Variants in PHLPP2 observed in about 807,000 individuals in gnomAD.
PHLPP2 encodes the protein PH domain leucine-rich repeat-containing protein phosphatase 2.
Under a neutral mutation model 124.9 loss-of-function variants are expected in PHLPP2, and 66 were observed. The ratio of observed to expected loss-of-function variants is 0.53; its 90% CI spans 0.43 to 0.65. The LOEUF (loss-of-function observed/expected upper bound fraction) is 0.65, where lower values mean the gene tolerates loss of function less well. PHLPP2 is among the 30% of genes least tolerant of loss of function. The pLI is 0.00. For synonymous variants in PHLPP2, 681 were observed against 624.7 expected (o/e 1.09, Z -1.34); for missense variants, 1,685 against 1,600.4 (o/e 1.05, Z -0.90).
chr16:71,720,385 T>G (rs1270716444), intron 1 of PHLPP2, among the ~76,000 whole-genome samples: 1 of 152,134 alleles, frequency 6.6e-6, no homozygotes, highest in Admixed American at 6.5e-5. Context: ...CCCAAAGTGT[T>G]GGGATTATAG....
intron 17 of PHLPP2, among the ~76,000 whole-genome samples, chr16:71,654,226 AAACTAGTTC>A (rs1331522922): frequency 2.6e-5 from 4 of 151,200 alleles, no homozygotes; most frequent in Non-Finnish European, 5.9e-5. Context: ...AAAAAAAAAA[AAACTAGTTC>A]AAGCTCCAAG....
intron 2 of PHLPP2, among the ~76,000 whole-genome samples, chr16:71,703,731 G>C (rs1476200382): frequency 6.6e-6 from 1 of 152,116 alleles, no homozygotes; most frequent in African/African-American, 2.4e-5. Context: ...ATCCTCATCA[G>C]TATCATGGGA....
Position 71,649,137 on chromosome 16 carries a change from T to C in PHLPP2, c.3725A>G (p.Asn1242Ser), listed in dbSNP as rs148405472. The C allele has an allele frequency of 1.9e-5, 31 of 1,613,984 alleles. No homozygotes were observed. The highest frequency in any genetic ancestry group is 2.5e-5 in the Non-Finnish European group (30 of 1,179,980). The change falls in exon 19 of 19, where the codon AAT becomes AGT. Residue 1242 changes from asparagine (N) to serine (S), a missense_variant. Asn to Ser is a conservative substitution (Grantham distance 46). Transcript: ENST00000568954. The part of the protein sequence containing the change: ...TSCLYGKKLS[N>S]GSIVPLEDSL... ...GTCCTCTAGGGGCACAATAGAGCCA[T>C]TGGAGAGTTTCTTCCCATAGAGGCA... is the stretch of plus-strand genomic sequence containing the variant.
In PHLPP2 at chr16:71,678,848, A is replaced by G. The variant is rs778857304; in HGVS notation, c.1175T>C (p.Met392Thr). The change falls in exon 8 of 19, where the codon ATG becomes ACG. Residue 392 changes from methionine (M) to threonine (T), a missense_variant. Met to Thr is a moderately conservative substitution (Grantham distance 81, BLOSUM62 -1). Transcript: ENST00000568954. ...QIPEVYEKLT[M>T]LDRVVMAGNC... is the part of the protein sequence containing the mutation. ...TCCTGCCATAACCACTCTATCTAAC[A>G]TAGTGAGTTTCTCATAAACCTCAGG... The G allele has an allele frequency of 9.9e-6, 16 of 1,611,936 alleles. No homozygotes were observed. Among genetic ancestry groups the G allele is most frequent in the Middle Eastern group, 1.6e-4 (1 of 6,080 alleles).
At position 71,681,864 on chromosome 16, in the gene PHLPP2, G is replaced by A. The variant is rs747786778; in HGVS notation, c.777C>T (p.Tyr259=). 5.6e-6 allele frequency: 9 copies of A among 1,613,554 alleles called. No individual in the cohort carries two copies. In the East Asian group the frequency reaches 6.7e-5, roughly 12 times the overall value. ...GATGCTCAGGAACCTCCTCGAGGCT[G>A]TAACACGAGAGATCCACGGTACTGA... ...QRISTVDLSC[Y]SLEEVPEHLF... Residue 259 remains tyrosine, a synonymous_variant, in exon 6 of 19, where the codon TAC becomes TAT. Transcript: ENST00000568954.
At chr16:71,651,238 T>A (rs964970098) in intron 18 of PHLPP2, among the ~76,000 whole-genome samples, 1 of 151,844 alleles carries the variant, frequency 6.6e-6, no homozygotes, top group Non-Finnish European at 1.5e-5. Context: ...CTCGGGAGGC[T>A]GAGGCAGGAG....
chr16:71,716,211 GCATT>G (rs2045362040), intron 1 of PHLPP2, among the ~76,000 whole-genome samples: 1 of 152,156 alleles, frequency 6.6e-6, no homozygotes, highest in Non-Finnish European at 1.5e-5. Context: ...CCTGTTGACA[GCATT>G]CAGTTTGCTT....
chr16:71,658,904 A>G, intron 13 of PHLPP2, 89 bp from the exon 14 acceptor site: 1 of 1,161,558 alleles, frequency 8.6e-7, no homozygotes, highest in Non-Finnish European at 1.2e-6. Context: ...AGAGTACAGA[A>G]GGCCGACACG....
At chr16:71,654,148 T>C (rs991470919) in intron 17 of PHLPP2, among the ~76,000 whole-genome samples, 3 of 148,816 alleles carry the variant, frequency 2.0e-5, no homozygotes, top group South Asian at 2.1e-4. Context: ...TGAGCCGAGA[T>C]TGCACTACTG....
At chr16:71,674,807 G>T (rs1262937760) in intron 9 of PHLPP2, among the ~76,000 whole-genome samples, 1 of 152,136 alleles carries the variant, frequency 6.6e-6, no homozygotes, top group Non-Finnish European at 1.5e-5. Context: ...GAACAGCAAG[G>T]CCAATATGGT....
chr16:71,673,035 T>C (rs2044908850), intron 9 of PHLPP2, among the ~76,000 whole-genome samples: 1 of 152,260 alleles, frequency 6.6e-6, no homozygotes, highest in Non-Finnish European at 1.5e-5. Flanking sequence ...CATATGATTA[T>C]AGCTCATTCA....
Position 71,656,585 on chromosome 16 carries a change from T to A in PHLPP2, c.2376A>T (p.Ala792=), listed in dbSNP as rs2044743875. The change falls in exon 16 of 19, where the codon GCA becomes GCT. Residue 792 remains alanine, a synonymous_variant. Transcript: ENST00000568954. ...AATATACTCACTTATTTCTCTGCCC[T>A]GCCATCTCAGCCAGTCCATGGCTCC... ...TFWSHGLAEM[A]GQRNKLCVSA... The A allele has an allele frequency of 3.1e-6, 5 of 1,606,262 alleles. No individual in the cohort carries two copies. The highest frequency in any genetic ancestry group is 4.3e-6 in the Non-Finnish European group (5 of 1,172,910).
chr16:71,665,430 A>G (rs1245173829), intron 12 of PHLPP2, among the ~76,000 whole-genome samples: 1 of 152,246 alleles, frequency 6.6e-6, no homozygotes, highest in African/African-American at 2.4e-5. Flanking sequence ...AAAACATGGT[A>G]TAATTTTAAA....
chr16:71,698,871 G>C (rs2045200642), intron 3 of PHLPP2, among the ~76,000 whole-genome samples: 1 of 152,118 alleles, frequency 6.6e-6, no homozygotes, highest in Non-Finnish European at 1.5e-5. Flanking sequence ...ACTGGCATTT[G>C]CATAATGGCT....
intron 1 of PHLPP2, among the ~76,000 whole-genome samples, chr16:71,722,114 A>G (rs969680111): frequency 1.3e-5 from 2 of 152,184 alleles, no homozygotes; most frequent in Non-Finnish European, 1.5e-5. Context: ...CACTTGGCAC[A>G]ATTCAACCAC....
intron 2 of PHLPP2, among the ~76,000 whole-genome samples, chr16:71,711,005 T>G (rs1358353472): frequency 6.6e-6 from 1 of 151,500 alleles, no homozygotes; most frequent in Non-Finnish European, 1.5e-5. Context: ...TTAAAACTGG[T>G]GTCTAAAGAA....
chr16:71,659,659 C>T (rs2044772172), intron 13 of PHLPP2, among the ~76,000 whole-genome samples: 1 of 152,200 alleles, frequency 6.6e-6, no homozygotes, highest in East Asian at 1.9e-4. Context: ...CAGCACTGTG[C>T]TGTGAGGCAA....
At chr16:71,698,489 CA>C in intron 3 of PHLPP2, 1 of 749,140 alleles carries the variant, frequency 1.3e-6, no homozygotes, top group South Asian at 1.4e-5. Context: ...TGCGGCTTTC[CA>C]AAGGCACCTC....
intron 12 of PHLPP2, among the ~76,000 whole-genome samples, chr16:71,666,832 C>A (rs1344828236): frequency 6.6e-6 from 1 of 152,148 alleles, no homozygotes; most frequent in African/African-American, 2.4e-5. Flanking sequence ...TGCAAAAGCT[C>A]AAAATTGCCC....
Sources: allele counts gnomAD v4.1 joint callset (sites outside exome capture counted in the v4.1 genomes callset), GRCh38; gene constraint gnomAD v4.1.1; transcripts MANE v1.5; gene names NCBI Gene and HGNC (gene_info 2026-07-23, HGNC 2026-07-21).